Variants in ANKFN1 observed in about 807,000 individuals in gnomAD.
ANKFN1 encodes ankyrin repeat and fibronectin type-III domain-containing protein 1.
ANKFN1 carries 74 observed loss-of-function variants against 108.7 expected under a neutral mutation model. That is an observed-to-expected ratio of 0.68 (90% CI 0.56 to 0.83). The LOEUF is 0.83. Ranked by LOEUF, ANKFN1 falls within the 40% of genes least tolerant of loss-of-function variation. The pLI is 0.00. For synonymous variants in ANKFN1, 547 were observed against 516.2 expected, an observed-to-expected ratio of 1.06 and a Z score of -0.81; for missense variants, 1,505 against 1,382.3, an observed-to-expected ratio of 1.09 and a Z score of -1.41.
chr17:56,097,748 G>A (rs966746305), intron 4 of ANKFN1, among the ~76,000 whole-genome samples: 2 of 152,118 alleles, frequency 1.3e-5, no homozygotes, highest in Non-Finnish European at 2.9e-5. Context: ...TTTCATCCAG[G>A]CACACTGGCT....
In ANKFN1 at chr17:56,178,759, G is replaced by A. The variant is rs146490908; in HGVS notation, c.-71+25229G>A. Among the ~76,000 whole-genome samples, 469 of 152,172 alleles carry A rather than the reference G, an allele frequency of 3.1e-3. 3 individuals carry two copies. Among genetic ancestry groups the A allele is most frequent in the Middle Eastern group, 0.02 (6 of 294 alleles). On this transcript the variant is annotated intron_variant, in intron 1 of 20. Coordinates refer to ENST00000682825, the MANE Select transcript of ANKFN1 (RefSeq NM_001370326.1). ...AATGCGTTTCATTTACCTGGTTTTT[G>A]CAGCAGAACTTCTCAGACGTTTAAT...
intron 3 of ANKFN1, among the ~76,000 whole-genome samples, chr17:56,297,472 T>C (rs2044547991): frequency 6.6e-6 from 1 of 152,194 alleles, no homozygotes; most frequent in Non-Finnish European, 1.5e-5. Flanking sequence ...CAAAGGTTTA[T>C]CAAGCAGCTT....
upstream of ANKFN1, among the ~76,000 whole-genome samples, chr17:56,151,045 A>G (rs1273594012): frequency 3.3e-5 from 5 of 152,112 alleles, no homozygotes; most frequent in African/African-American, 9.7e-5. Flanking sequence ...TGACATGGGG[A>G]GCCCACTAGG....
In ANKFN1 at chr17:56,478,761, A is replaced by G. The variant is rs796977992; in HGVS notation, c.1940+1107A>G. Among the ~76,000 whole-genome samples, 41 of 152,306 alleles carry G rather than the reference A, an allele frequency of 2.7e-4. 1 individual carries two copies. The highest frequency in any genetic ancestry group is 9.9e-4 in the African/African-American group (41 of 41,578). On this transcript the variant is annotated intron_variant, in intron 16 of 20. Transcript: ENST00000682825. ...AAAGAAATTATCCAGAATTCTTCAG[A>G]CCTCAAAGGGCATAAACTAGATACT...
intron 4 of ANKFN1, among the ~76,000 whole-genome samples, chr17:56,090,164 G>A (rs972164537): frequency 6.6e-6 from 1 of 151,260 alleles, no homozygotes; most frequent in Non-Finnish European, 1.5e-5. Context: ...TGAGTGGCTA[G>A]GGCAGAGCAT....
chr17:56,075,061 T>G (rs945191500), intron 4 of ANKFN1, among the ~76,000 whole-genome samples: 3 of 152,134 alleles, frequency 2.0e-5, no homozygotes, highest in Non-Finnish European at 4.4e-5. Flanking sequence ...TTACTCAAGG[T>G]CATTAAGCTA....
intron 4 of ANKFN1, among the ~76,000 whole-genome samples, chr17:56,095,437 G>A (rs980298656): frequency 6.6e-6 from 1 of 150,868 alleles, no homozygotes; most frequent in African/African-American, 2.4e-5. Flanking sequence ...AACTACAGGT[G>A]CATGCCGCCA....
chr17:56,061,275 T>C (rs1170836508), intron 4 of ANKFN1, among the ~76,000 whole-genome samples: 4 of 134,516 alleles, frequency 3.0e-5, no homozygotes, highest in Non-Finnish European at 6.4e-5. Context: ...CTTTTTTTTT[T>C]TTTTTTTTTT....
intron 1 of ANKFN1, among the ~76,000 whole-genome samples, chr17:56,186,912 T>TAA (rs1181571636): frequency 1.3e-5 from 2 of 152,224 alleles, no homozygotes; most frequent in Non-Finnish European, 2.9e-5. Flanking sequence ...ATCTCTTCCT[T>TAA]ACACCTTATA....
Position 56,168,361 on chromosome 17 carries a change from C to T in ANKFN1, c.-71+14831C>T, listed in dbSNP as rs1910356547. ...TAATAACCTCATCAGGCAGATAGGACAGGACTTCAGCAACTGTTGGTGTTT... is the reference window on the plus strand; with the variant it reads ...TAATAACCTCATCAGGCAGATAGGATAGGACTTCAGCAACTGTTGGTGTTT... On this transcript the variant is annotated intron_variant, in intron 1 of 20. Transcript: ENST00000682825. 2.0e-5 allele frequency among the ~76,000 whole-genome samples: 3 copies of T among 151,798 alleles called. 1 individual carries two copies. Among genetic ancestry groups the T allele is most frequent in the South Asian group, 4.2e-4 (2 of 4,808 alleles).
chr17:56,158,134 C>T (rs962125271), intron 1 of ANKFN1, among the ~76,000 whole-genome samples: 1 of 152,158 alleles, frequency 6.6e-6, no homozygotes, highest in African/African-American at 2.4e-5. Context: ...AATGCTTCAG[C>T]CATTTGAACA....
intron 2 of ANKFN1, among the ~76,000 whole-genome samples, chr17:56,223,264 T>C (rs573363611): frequency 6.6e-6 from 1 of 152,332 alleles, no homozygotes; most frequent in Non-Finnish European, 1.5e-5. Context: ...ACGGGGGTGT[T>C]GGGCAAAGCG....
intron 3 of ANKFN1, among the ~76,000 whole-genome samples, chr17:56,280,205 T>C (rs1428909560): frequency 1.3e-5 from 2 of 151,958 alleles, no homozygotes; most frequent in African/African-American, 4.8e-5. Flanking sequence ...TAGAAATATA[T>C]ATATATTTCT....
intron 4 of ANKFN1, among the ~76,000 whole-genome samples, chr17:56,064,761 C>T (rs1044698721): frequency 6.6e-6 from 1 of 152,214 alleles, no homozygotes; most frequent in Non-Finnish European, 1.5e-5. Context: ...TGCCCCTCCC[C>T]CCAGGAGCTA....
chr17:56,177,184 A>G (rs1911250378), intron 1 of ANKFN1, among the ~76,000 whole-genome samples: 1 of 152,176 alleles, frequency 6.6e-6, no homozygotes, highest in Non-Finnish European at 1.5e-5. Flanking sequence ...ATTCTGTTCA[A>G]CCATTTGGTT....
chr17:56,376,200 C>A (rs1229084135), intron 8 of ANKFN1, among the ~76,000 whole-genome samples: 1 of 152,138 alleles, frequency 6.6e-6, no homozygotes, highest in African/African-American at 2.4e-5. Flanking sequence ...CTCTGGGGAA[C>A]TTCATATGTC....
intron 3 of ANKFN1, among the ~76,000 whole-genome samples, chr17:56,317,867 GC>G (rs1386089690): frequency 3.9e-5 from 6 of 152,144 alleles, no homozygotes; most frequent in Admixed American, 2.0e-4. Flanking sequence ...CTCCTGATAT[GC>G]CTAAATGGGT....
At chr17:56,293,094 A>C (rs1419694314) in intron 3 of ANKFN1, among the ~76,000 whole-genome samples, 1 of 152,232 alleles carries the variant, frequency 6.6e-6, no homozygotes, top group African/African-American at 2.4e-5. Flanking sequence ...AAATGGGCCA[A>C]GTACTGTCTT....
intron 18 of ANKFN1, among the ~76,000 whole-genome samples, chr17:56,485,204 A>G (rs1460374895): frequency 6.6e-6 from 1 of 152,248 alleles, no homozygotes; most frequent in Non-Finnish European, 1.5e-5. Context: ...TGGAAGGGAC[A>G]AATAACAAAC....
Sources: gnomAD v4.1 joint callset for allele counts (sites outside exome capture counted in the v4.1 genomes callset) on GRCh38, gnomAD v4.1.1 for gene constraint, MANE v1.5 for transcripts, NCBI Gene and HGNC (gene_info 2026-07-23, HGNC 2026-07-21) for gene names.